AKR1A1: variants seen among roughly 807,000 people sequenced by gnomAD.
AKR1A1 encodes aldo-keto reductase family 1 member A1.
In AKR1A1, 26 loss-of-function variants were observed where a neutral mutation model predicts 39.2. That is an observed-to-expected ratio of 0.66 (90% CI 0.49 to 0.92). The LOEUF (loss-of-function observed/expected upper bound fraction) is 0.92. Ranked by LOEUF, AKR1A1 falls within the 40% of genes least tolerant of loss-of-function variation. The pLI is 0.00. For synonymous variants in AKR1A1, 141 were observed against 155.5 expected (o/e 0.91, Z 0.69); for missense variants, 378 against 406.5 (o/e 0.93, Z 0.60).
At position 45,566,737 on chromosome 1, in the gene AKR1A1, T is replaced by C. The variant is rs774920980; in HGVS notation, c.204+49T>C. ...AGGTGGGATAAGAGAACTTAGAAGCTGAAGCTAGGGCTGGGGCCCAGCTGG... is the reference window on the plus strand; with the variant it reads ...AGGTGGGATAAGAGAACTTAGAAGCCGAAGCTAGGGCTGGGGCCCAGCTGG... On this transcript the variant is annotated intron_variant, in intron 3 of 8. Coordinates refer to ENST00000351829, the MANE Select transcript of AKR1A1 (RefSeq NM_153326.3). 2.5e-6 allele frequency: 4 copies of C among 1,608,358 alleles called. No homozygotes were observed. The Admixed American group carries it at 6.7e-5, about 27-fold the overall frequency.
At chr1:45,553,720 G>A (rs1480037922) in intron 1 of AKR1A1, among the ~76,000 whole-genome samples, 1 of 152,078 alleles carries the variant, frequency 6.6e-6, no homozygotes, top group Non-Finnish European at 1.5e-5. Flanking sequence ...GAGGCCGGGT[G>A]TGGTGGCTCA....
chr1:45,568,521 A>G lies in AKR1A1; in HGVS notation c.589A>G (p.Ile197Val). The change falls in exon 6 of 9, where the codon ATT becomes GTT. Residue 197 changes from isoleucine (I) to valine (V), a missense_variant. Coordinates refer to ENST00000351829, the MANE Select transcript of AKR1A1 (RefSeq NM_153326.3). ...CCCATACTTGGCTCAAAATGAGCTA[A>G]TTGCCCACTGCCAAGCACGTGGCCT... is the stretch of plus-strand genomic sequence containing the variant. Reference protein sequence around the residue: ...CHPYLAQNELIAHCQARGLEV... With the variant: ...CHPYLAQNELVAHCQARGLEV... 1 of 1,613,878 alleles carries G rather than the reference A, an allele frequency of 6.2e-7. No individual in the cohort carries two copies. The highest frequency in any genetic ancestry group is 8.5e-7 in the Non-Finnish European group (1 of 1,180,020).
rs191641087 is a variant in AKR1A1 at position 45,555,224 on chromosome 1, A to T, written c.-7+4069A>T. 7.9e-5 allele frequency among the ~76,000 whole-genome samples: 12 copies of T among 152,364 alleles called. No homozygotes were observed. In the East Asian group the frequency reaches 2.3e-3, roughly 29 times the overall value. On this transcript the variant is annotated intron_variant, in intron 1 of 8. Coordinates refer to ENST00000351829, the MANE Select transcript of AKR1A1 (RefSeq NM_153326.3). ...CAGTATAGGCCGGGCGTGGTAGCTC[A>T]CGCCTGTAATCCCAGCATTTTGGGA...
chr1:45,565,705 C>A (rs572227763), intron 2 of AKR1A1, among the ~76,000 whole-genome samples: 1 of 151,832 alleles, frequency 6.6e-6, no homozygotes, highest in African/African-American at 2.4e-5. Flanking sequence ...AAACCCCTGA[C>A]CTCAGGTGAT....
At chr1:45,566,735 G>A in intron 3 of AKR1A1, 47 bp downstream of exon 3, 8 of 1,608,800 alleles carry the variant, frequency 5.0e-6, no homozygotes, top group Non-Finnish European at 6.8e-6. Flanking sequence ...GAACTTAGAA[G>A]CTGAAGCTAG....
intron 2 of AKR1A1, among the ~76,000 whole-genome samples, chr1:45,564,759 C>T (rs1038722639): frequency 4.6e-5 from 7 of 151,156 alleles, no homozygotes; most frequent in Non-Finnish European, 7.4e-5. Context: ...ATCCATCTGT[C>T]TTCTGATTGA....
intron 1 of AKR1A1, among the ~76,000 whole-genome samples, chr1:45,558,099 G>A (rs1441025934): frequency 6.6e-6 from 1 of 151,598 alleles, no homozygotes; most frequent in Non-Finnish European, 1.5e-5. Flanking sequence ...AGTAGAGAGG[G>A]GGTTTCGCCT....
chr1:45,563,289 A>G (rs1273919771), intron 2 of AKR1A1, among the ~76,000 whole-genome samples: 1 of 152,052 alleles, frequency 6.6e-6, no homozygotes, highest in Admixed American at 6.6e-5. Flanking sequence ...AATCCCAGCT[A>G]CTTGGGAGGC....
At chr1:45,569,293 G>A (rs146581896) in intron 8 of AKR1A1, 64 bp downstream of exon 8, 1 of 1,378,416 alleles carries the variant, frequency 7.3e-7, no homozygotes, top group African/African-American at 1.4e-5. Context: ...TCTGGCCCAG[G>A]TGTGACCTAA....
intron 2 of AKR1A1, among the ~76,000 whole-genome samples, chr1:45,565,563 G>A (rs748420863): frequency 4.0e-5 from 6 of 151,224 alleles, no homozygotes; most frequent in Non-Finnish European, 8.9e-5. Context: ...AGCCTCCCCC[G>A]CCTGGGTTCA....
intron 2 of AKR1A1, among the ~76,000 whole-genome samples, chr1:45,563,495 A>G (rs1209333063): frequency 6.6e-6 from 1 of 152,114 alleles, no homozygotes; most frequent in Admixed American, 6.6e-5. Context: ...ACCTTTTAAT[A>G]TGTAACCACT....
chr1:45,558,322 G>A (rs1348209184), intron 1 of AKR1A1, among the ~76,000 whole-genome samples: 1 of 151,892 alleles, frequency 6.6e-6, no homozygotes, highest in South Asian at 2.1e-4. Context: ...TCCGCCTCCC[G>A]GGTTCAGGTG....
chr1:45,554,390 T>TG (rs138595919), intron 1 of AKR1A1, among the ~76,000 whole-genome samples: 2,395 of 152,224 alleles, frequency 0.016, 58 homozygotes, highest in African/African-American at 0.051. Context: ...ATCACACCAC[T>TG]GCCCTCCAGC....
At chr1:45,551,205 C>T (rs966922506) in intron 1 of AKR1A1, 50 bp downstream of exon 1, 2 of 152,306 alleles carry the variant, frequency 1.3e-5, no homozygotes, top group African/African-American at 4.8e-5. Context: ...GAGATGGCCT[C>T]GATTCTTTAC....
chr1:45,565,810 T>G (rs1439482810), intron 2 of AKR1A1, among the ~76,000 whole-genome samples: 3 of 151,484 alleles, frequency 2.0e-5, no homozygotes, highest in African/African-American at 7.3e-5. Flanking sequence ...GGTGGGGGTC[T>G]CACTATGTTG....
chr1:45,566,367 A>C (rs1275954585), intron 2 of AKR1A1, among the ~76,000 whole-genome samples: 1 of 151,998 alleles, frequency 6.6e-6, no homozygotes, highest in Non-Finnish European at 1.5e-5. Context: ...ACCTCAGGGG[A>C]TCTGCCCACC....
At chr1:45,552,941 A>G (rs1227054933) in intron 1 of AKR1A1, among the ~76,000 whole-genome samples, 4 of 152,046 alleles carry the variant, frequency 2.6e-5, no homozygotes, top group African/African-American at 9.7e-5. Flanking sequence ...CCTGGCCAAC[A>G]TGGTGAAACC....
In AKR1A1 at chr1:45,569,032, C is replaced by T. The variant is rs557313965; in HGVS notation, c.825+33C>T. ...GTAATGGGTTCTATCTTCTTTAGCTCTTTGGGACATTTTCTTGGCCCTGAC... is the reference window on the plus strand; with the variant it reads ...GTAATGGGTTCTATCTTCTTTAGCTTTTTGGGACATTTTCTTGGCCCTGAC... On this transcript the variant is annotated intron_variant, in intron 7 of 8. Coordinates refer to ENST00000351829, the MANE Select transcript of AKR1A1 (RefSeq NM_153326.3). 169 of 1,611,326 alleles carry T rather than the reference C, an allele frequency of 1.0e-4. 5 individuals carry two copies. The South Asian group carries it at 1.7e-3, about 16-fold the overall frequency.
At chr1:45,555,998 T>G (rs1644197738) in intron 1 of AKR1A1, among the ~76,000 whole-genome samples, 2 of 152,028 alleles carry the variant, frequency 1.3e-5, no homozygotes, top group Admixed American at 1.3e-4. Context: ...AATGAGAAGA[T>G]TGAGGAGAAA....
Sources: allele counts gnomAD v4.1 joint callset (sites outside exome capture counted in the v4.1 genomes callset), GRCh38; gene constraint gnomAD v4.1.1; transcripts MANE v1.5; gene names NCBI Gene and HGNC (gene_info 2026-07-23, HGNC 2026-07-21).